DENND2A: variants seen among roughly 807,000 people sequenced by gnomAD.
DENND2A encodes DENN domain-containing protein 2A.
In DENND2A, 53 loss-of-function variants were observed where a neutral mutation model predicts 105.3. That is an observed-to-expected ratio of 0.50 (90% CI 0.40 to 0.63). The LOEUF is 0.63. DENND2A is among the 30% of genes least tolerant of loss of function. The probability of loss-of-function intolerance (pLI) is 0.00; values close to 1 mark genes in which losing one functional copy is unlikely to be tolerated. For missense variants in DENND2A, 1,138 were observed against 1,279.6 expected (o/e 0.89, Z 1.69); for synonymous variants, 522 against 508.4 (o/e 1.03, Z -0.36).
intron 1 of DENND2A, among the ~76,000 whole-genome samples, chr7:140,617,014 C>T (rs116616871): frequency 6.6e-5 from 10 of 152,210 alleles, no homozygotes; most frequent in African/African-American, 1.9e-4. Context: ...TGTGCCACCA[C>T]GCCCAGCTGA....
chr7:140,569,288 A>G (rs1797994461), intron 7 of DENND2A, among the ~76,000 whole-genome samples: 1 of 152,194 alleles, frequency 6.6e-6, no homozygotes, highest in African/African-American at 2.4e-5. Flanking sequence ...TGTACTGCCA[A>G]ATTAATTTGG....
chr7:140,591,595 G>A (rs931399343), intron 3 of DENND2A, among the ~76,000 whole-genome samples: 1 of 152,010 alleles, frequency 6.6e-6, no homozygotes, highest in South Asian at 2.1e-4. Flanking sequence ...GGTAACACAT[G>A]CCAAAGCATT....
intron 14 of DENND2A, among the ~76,000 whole-genome samples, chr7:140,542,103 C>T (rs966924114): frequency 2.1e-4 from 32 of 152,048 alleles, no homozygotes; most frequent in African/African-American, 7.7e-4. Context: ...CTCAGGTGGC[C>T]TCATCTGCAC....
Position 140,521,976 on chromosome 7 carries a change from C to A in DENND2A, c.2790G>T (p.Arg930=). The change falls in exon 18 of 20, where the codon CGG becomes CGT. Residue 930 remains arginine, a synonymous_variant. Coordinates refer to ENST00000496613, the MANE Select transcript of DENND2A (RefSeq NM_015689.5). The part of the protein sequence containing the change: ...SGEREERTLQ[R]EAFRKAVSSK... ...AGGAGACAGCTTTGCGGAAGGCCTCCCGCTGCAGGGTTCTCTCCTCACGCT... is the reference window on the plus strand; with the variant it reads ...AGGAGACAGCTTTGCGGAAGGCCTCACGCTGCAGGGTTCTCTCCTCACGCT... 6.2e-7 allele frequency: 1 copy of A among 1,614,168 alleles called. No individual in the cohort carries two copies. Among genetic ancestry groups the A allele is most frequent in the South Asian group, 1.1e-5 (1 of 91,084 alleles).
chr7:140,608,882 C>T (rs1434984260), intron 1 of DENND2A, among the ~76,000 whole-genome samples: 3 of 152,092 alleles, frequency 2.0e-5, no homozygotes. Context: ...GATTCCTGGG[C>T]ACCTCTTCGA....
chr7:140,630,838 G>A (rs1800710440), intron 1 of DENND2A, among the ~76,000 whole-genome samples: 1 of 152,122 alleles, frequency 6.6e-6, no homozygotes, highest in Admixed American at 6.5e-5. Flanking sequence ...TCCAGCCTGG[G>A]CAACAGAGTG....
intron 19 of DENND2A, 50 bp from the exon 20 acceptor site, chr7:140,518,788 G>C: frequency 1.3e-6 from 2 of 1,588,622 alleles, no homozygotes; most frequent in Non-Finnish European, 1.7e-6. Context: ...AAAGGAGGGT[G>C]AGATAAATCT....
intron 9 of DENND2A, among the ~76,000 whole-genome samples, chr7:140,563,947 C>T (rs78821987): frequency 0.037 from 5,688 of 152,110 alleles, 350 homozygotes; most frequent in African/African-American, 0.13. Flanking sequence ...CCACTCCATG[C>T]CATCCTGGAT....
At position 140,559,594 on chromosome 7, in the gene DENND2A, G is replaced by T; in HGVS notation, c.1889+114C>A. 2 of 752,562 alleles carry T rather than the reference G, an allele frequency of 2.7e-6. No homozygotes were observed. The highest frequency in any genetic ancestry group is 4.5e-6 in the Non-Finnish European group (2 of 446,792). 46.6% of individuals were successfully genotyped at this position (752,562 alleles called of 1,614,324 possible). A position where few individuals can be genotyped will look rare whatever the true frequency, so the allele number is the denominator to read the frequency against. On this transcript the variant is annotated intron_variant, in intron 10 of 19. Transcript: ENST00000496613. The surrounding 1 kb of genome is among the most constrained non-coding windows in gnomAD (Gnocchi z 4.1). The stretch of plus-strand genomic sequence containing the variant: ...CCCCTTGGGGAAAGCTCTAGGCCAG[G>T]CCCATCAGGATTACTTAACGGTGGG...
intron 14 of DENND2A, 33 bp downstream of exon 14, chr7:140,544,584 CA>C (rs752050225): frequency 8.1e-6 from 13 of 1,613,958 alleles, no homozygotes; most frequent in Non-Finnish European, 1.1e-5. Flanking sequence ...GACTGTCATT[CA>C]AACGCTTTAG....
rs538599456 is a variant in DENND2A at position 140,623,226 on chromosome 7, G to A, written c.-248+17278C>T. On this transcript the variant is annotated intron_variant, in intron 1 of 19. Transcript: ENST00000496613. ...GCTACTTGGGAGACTGATGCAGAAG[G>A]ATTGATTGAACCCGGGAGGCAGAGG... Among the ~76,000 whole-genome samples the A allele has an allele frequency of 4.0e-5, 6 of 149,364 alleles. No homozygotes were observed. The East Asian group carries it at 1.0e-3, about 26-fold the overall frequency.
At chr7:140,578,847 C>T (rs112329407) in intron 5 of DENND2A, among the ~76,000 whole-genome samples, 2,240 of 152,308 alleles carry the variant, frequency 0.015, 50 homozygotes, top group African/African-American at 0.051. Context: ...GCACTCTAGC[C>T]TGGGCGACAG....
At position 140,640,613 on chromosome 7, in the gene DENND2A, G is replaced by A. The variant is rs1301311882; in HGVS notation, c.-357C>T. The stretch of plus-strand genomic sequence containing the variant: ...GGGGCGGGCGGCGGCGGGTGCCGGG[G>A]ACGCCATGGCCCTCCGCCCTCCGCC... On this transcript the variant is annotated 5_prime_UTR_variant, in exon 1 of 20. Transcript: ENST00000496613. This position sits in a 1 kb window ranked among gnomAD's most constrained non-coding sequence, Gnocchi z 4.9. The A allele has an allele frequency of 6.7e-6, 1 of 148,696 alleles. No homozygotes were observed. The highest frequency in any genetic ancestry group is 1.5e-5 in the Non-Finnish European group (1 of 66,540). 9.2% of individuals were successfully genotyped at this position (148,696 alleles called of 1,614,324 possible).
intron 14 of DENND2A, among the ~76,000 whole-genome samples, chr7:140,528,679 G>A (rs370796133): frequency 1.1e-4 from 17 of 151,064 alleles, no homozygotes; most frequent in East Asian, 7.8e-4. Flanking sequence ...AGAATCGGTT[G>A]AACCCAGGAG....
chr7:140,601,265 A>G, intron 3 of DENND2A, 138 bp downstream of exon 3: 1 of 1,179,152 alleles, frequency 8.5e-7, no homozygotes, highest in African/African-American at 1.5e-5. Context: ...AAGTATCTTA[A>G]GCTATGAACC....
chr7:140,535,237 C>G (rs906308618), intron 14 of DENND2A, among the ~76,000 whole-genome samples: 1 of 152,132 alleles, frequency 6.6e-6, no homozygotes, highest in Non-Finnish European at 1.5e-5. Context: ...CTTTAGTATC[C>G]CAAGCAAAGT....
Position 140,527,896 on chromosome 7 carries a change from G to A in DENND2A, c.2328-401C>T, listed in dbSNP as rs1433794918. Reference sequence around the variant, plus strand: ...GTTGCCCAGGCTGGGGTGCAGTGGCGTGATTTGGGCTTACTGCAACCTCTG... The same window carrying A: ...GTTGCCCAGGCTGGGGTGCAGTGGCATGATTTGGGCTTACTGCAACCTCTG... On this transcript the variant is annotated intron_variant, in intron 14 of 19. Transcript: ENST00000496613. The surrounding 1 kb of genome is among the most constrained non-coding windows in gnomAD (Gnocchi z 4.9). Among the ~76,000 whole-genome samples the A allele has an allele frequency of 3.9e-5, 6 of 151,950 alleles. No homozygotes were observed. The highest frequency in any genetic ancestry group is 1.9e-4 in the East Asian group (1 of 5,182).
At chr7:140,633,521 C>T (rs1294376681) in intron 1 of DENND2A, among the ~76,000 whole-genome samples, 2 of 152,126 alleles carry the variant, frequency 1.3e-5, no homozygotes, top group African/African-American at 4.8e-5. Flanking sequence ...ATTTTACCTA[C>T]CATAAACTTG....
chr7:140,566,667 G>C (rs934990893), intron 9 of DENND2A, among the ~76,000 whole-genome samples: 3 of 148,080 alleles, frequency 2.0e-5, no homozygotes, highest in Non-Finnish European at 4.4e-5. Flanking sequence ...AAGTGAGAAA[G>C]CATTTCTGGC....
Sources: allele counts gnomAD v4.1 joint callset (sites outside exome capture counted in the v4.1 genomes callset), GRCh38; gene constraint gnomAD v4.1.1; non-coding constraint Gnocchi (gnomAD v3.1); transcripts MANE v1.5; gene names NCBI Gene and HGNC (gene_info 2026-07-23, HGNC 2026-07-21).